The following WWC2 variants were observed in gnomAD, a reference collection of about 807,000 sequenced individuals.
WWC2 encodes the protein WW and C2 domain containing 2, also known as protein WWC2.
Under a neutral mutation model 138.5 loss-of-function variants are expected in WWC2, and 101 were observed. That is an observed-to-expected ratio of 0.73 (90% confidence interval 0.62 to 0.86). WWC2 has a LOEUF of 0.86. WWC2 is among the 40% of genes least tolerant of loss of function. The pLI is 0.00. For missense variants in WWC2, 1,420 were observed against 1,419.4 expected (o/e 1.00, Z -0.01); for synonymous variants, 558 against 538.4 (o/e 1.04, Z -0.50).
At chr4:183,160,702 A>T (rs1006232970) in intron 1 of WWC2, among the ~76,000 whole-genome samples, 1 of 152,214 alleles carries the variant, frequency 6.6e-6, no homozygotes, top group African/African-American at 2.4e-5. Flanking sequence ...AGATTGAGGA[A>T]GAAATTCTAC....
At chr4:183,282,948 G>A in intron 18 of WWC2, 42 bp downstream of exon 18, 2 of 1,504,456 alleles carry the variant, frequency 1.3e-6, no homozygotes, top group Non-Finnish European at 1.8e-6. Flanking sequence ...ATACCTTACA[G>A]GCACCATGTG....
intron 4 of WWC2, among the ~76,000 whole-genome samples, chr4:183,224,748 A>G (rs1385918497): frequency 2.0e-5 from 3 of 152,086 alleles, no homozygotes; most frequent in Admixed American, 6.6e-5. Context: ...TTTAGTAGAG[A>G]TGAGGTTTCA....
intron 21 of WWC2, among the ~76,000 whole-genome samples, chr4:183,291,462 G>A (rs1421633819): frequency 6.6e-6 from 1 of 152,194 alleles, no homozygotes; most frequent in Non-Finnish European, 1.5e-5. Flanking sequence ...ACTCTCTTGA[G>A]TTTTTAACTC....
intron 1 of WWC2, among the ~76,000 whole-genome samples, chr4:183,178,938 A>C (rs1734543139): frequency 6.6e-6 from 1 of 152,208 alleles, no homozygotes; most frequent in Non-Finnish European, 1.5e-5. Context: ...TCATTCAAGG[A>C]TATTCAGTAC....
At chr4:183,168,117 G>A (rs1734174675) in intron 1 of WWC2, among the ~76,000 whole-genome samples, 1 of 151,326 alleles carries the variant, frequency 6.6e-6, no homozygotes, top group African/African-American at 2.4e-5. Context: ...TGGTCCCAAA[G>A]TGCTGGGATT....
At chr4:183,235,626 T>G (rs1736398471) in intron 4 of WWC2, among the ~76,000 whole-genome samples, 1 of 152,210 alleles carries the variant, frequency 6.6e-6, no homozygotes, top group African/African-American at 2.4e-5. Context: ...TGGCACAATG[T>G]CCTCAAGGTT....
intron 9 of WWC2, among the ~76,000 whole-genome samples, chr4:183,255,971 ATTAT>A (rs1030894130): frequency 9.9e-5 from 15 of 151,568 alleles, no homozygotes; most frequent in African/African-American, 2.9e-4. Flanking sequence ...TATTTTAAAA[ATTAT>A]TTATTTAGTG....
chr4:183,272,413 C>T (rs1336665873), intron 16 of WWC2, among the ~76,000 whole-genome samples: 1 of 152,190 alleles, frequency 6.6e-6, no homozygotes. Context: ...AGCTTTATTA[C>T]AATATAATTC....
At chr4:183,270,127 G>C (rs973008573) in intron 15 of WWC2, 1 of 152,192 alleles carries the variant, frequency 6.6e-6, no homozygotes, top group African/African-American at 2.4e-5. Context: ...AATAAAGTTA[G>C]AAAGAAGCAG....
At chr4:183,164,513 C>A (rs1318051478) in intron 1 of WWC2, among the ~76,000 whole-genome samples, 1 of 150,782 alleles carries the variant, frequency 6.6e-6, no homozygotes, top group Admixed American at 6.6e-5. Context: ...AAAATTAGAA[C>A]TAAGGAATTC....
intron 1 of WWC2, among the ~76,000 whole-genome samples, chr4:183,167,547 C>G (rs1435374322): frequency 6.6e-6 from 1 of 152,232 alleles, no homozygotes; most frequent in Middle Eastern, 3.4e-3. Context: ...TAACATCTTT[C>G]TGGTCAAAAT....
At chr4:183,234,550 TATC>T (rs1285058181) in intron 4 of WWC2, among the ~76,000 whole-genome samples, 3 of 151,544 alleles carry the variant, frequency 2.0e-5, no homozygotes, top group Non-Finnish European at 4.4e-5. Flanking sequence ...TTACATGTAT[TATC>T]ATGCCATTAA....
At chr4:183,176,817 G>T (rs1445727906) in intron 1 of WWC2, among the ~76,000 whole-genome samples, 2 of 152,114 alleles carry the variant, frequency 1.3e-5, no homozygotes, top group African/African-American at 4.8e-5. Flanking sequence ...ATGATCATCA[G>T]TGGCAAATGG....
Position 183,319,546 on chromosome 4 carries a change from C to T in WWC2, c.*3817C>T, listed in dbSNP as rs1353221561. The T allele has an allele frequency of 1.2e-6, 2 of 1,601,300 alleles. No homozygotes were observed. The highest frequency in any genetic ancestry group is 3.4e-5 in the Admixed American group (2 of 58,600). On this transcript the variant is annotated 3_prime_UTR_variant, in exon 23 of 23. Transcript: ENST00000403733. ...CGTCTCCTGAACAGCAGACGCTTGT[C>T]CTTTCTGGCTTAGTGTTTCAGGTTG...
intron 1 of WWC2, among the ~76,000 whole-genome samples, chr4:183,192,781 T>C (rs2111209008): frequency 6.6e-6 from 1 of 152,220 alleles, no homozygotes; most frequent in East Asian, 1.9e-4. Flanking sequence ...CAGCAAGGCA[T>C]CTGTGGTGTT....
At chr4:183,289,698 A>G in intron 21 of WWC2, 63 bp downstream of exon 21, 1 of 1,572,098 alleles carries the variant, frequency 6.4e-7, no homozygotes, top group Non-Finnish European at 8.6e-7. Flanking sequence ...CGTGCCATGT[A>G]GAAGGTACCC....
intron 2 of WWC2, among the ~76,000 whole-genome samples, chr4:183,200,902 C>T (rs1735277635): frequency 6.6e-6 from 1 of 152,122 alleles, no homozygotes; most frequent in African/African-American, 2.4e-5. Flanking sequence ...TCAGATCTAG[C>T]GCATACTCAA....
chr4:183,265,065 CTG>C lies in WWC2; in HGVS notation c.2000_2001del (p.Val667GlyfsTer8), dbSNP rs762460849. 6.2e-7 allele frequency: 1 copy of C among 1,613,246 alleles called. No individual in the cohort carries two copies. The highest frequency in any genetic ancestry group is 8.5e-7 in the Non-Finnish European group (1 of 1,179,468). ...GTGTCGGCTGCTGTGTCTGATGAGTCTGTGGCTGGAGACAGTGGGGTCTATGA... is the reference window on the plus strand; with the variant it reads ...GTGTCGGCTGCTGTGTCTGATGAGTCTGGCTGGAGACAGTGGGGTCTATGA... On this transcript the variant is annotated frameshift_variant, in exon 12 of 23. Transcript: ENST00000403733. LOFTEE classifies it high-confidence loss of function.
chr4:183,282,776 A>T lies in WWC2; in HGVS notation c.2753A>T (p.Glu918Val). 6.3e-7 allele frequency: 1 copy of T among 1,582,286 alleles called. No individual in the cohort carries two copies. The highest frequency in any genetic ancestry group is 8.6e-7 in the Non-Finnish European group (1 of 1,163,508). Residue 918 changes from glutamate (E) to valine (V), a missense_variant, in exon 18 of 23, where the codon GAG (glutamate) becomes GTG (valine). Glu to Val is a moderately radical substitution (Grantham distance 121). Transcript: ENST00000403733. ...AEKEAEVKLP[E>V]DSSCTEDLSS... ...AAAGAGGCTGAAGTTAAATTGCCAG[A>T]GGACAGTAGCTGTACAGAAGATTTA...
Sources: allele counts gnomAD v4.1 joint callset (sites outside exome capture counted in the v4.1 genomes callset), GRCh38; gene constraint gnomAD v4.1.1; transcripts MANE v1.5; gene names NCBI Gene and HGNC (gene_info 2026-07-23, HGNC 2026-07-21).